Variants in FAM227A observed in about 807,000 individuals in gnomAD.
FAM227A encodes protein FAM227A.
In FAM227A, 80 loss-of-function variants were observed where a neutral mutation model predicts 74.7. The observed-to-expected ratio is 1.07, with a 90% CI of 0.89 to 1.29. The LOEUF (loss-of-function observed/expected upper bound fraction) is 1.29. Ranked by LOEUF, FAM227A falls within the 50% of genes most tolerant of loss-of-function variation. FAM227A has a pLI of 0.00. For synonymous variants in FAM227A, 237 were observed against 241.8 expected (o/e 0.98, Z 0.19); for missense variants, 654 against 683.4 (o/e 0.96, Z 0.48).
At chr22:38,654,949 A>AAAATAAATAAAT (rs530190566) in intron 1 of FAM227A, among the ~76,000 whole-genome samples, 1 of 147,780 alleles carries the variant, frequency 6.8e-6, no homozygotes, top group African/African-American at 2.5e-5. Context: ...GACTCCATCT[A>AAAATAAATAAAT]AAATAAATAA....
At chr22:38,628,628 C>G (rs1162583389) in intron 7 of FAM227A, among the ~76,000 whole-genome samples, 1 of 152,132 alleles carries the variant, frequency 6.6e-6, no homozygotes, top group East Asian at 1.9e-4. Context: ...GCTCCTAAAG[C>G]CTGGGGGAGC....
At chr22:38,624,571 A>G (rs974589481) in intron 9 of FAM227A, among the ~76,000 whole-genome samples, 1 of 152,172 alleles carries the variant, frequency 6.6e-6, no homozygotes, top group African/African-American at 2.4e-5. Context: ...CGTTGTGCCT[A>G]TACTGTTGGT....
At chr22:38,602,024 TAC>T (rs1305146358) in intron 13 of FAM227A, among the ~76,000 whole-genome samples, 1 of 152,140 alleles carries the variant, frequency 6.6e-6, no homozygotes, top group Non-Finnish European at 1.5e-5. Flanking sequence ...TAAAAAAAAA[TAC>T]ATTTTATTTT....
In FAM227A at chr22:38,645,718, G is replaced by A. The variant is rs945719315; in HGVS notation, c.143-73C>T. The A allele has an allele frequency of 4.4e-6, 4 of 907,516 alleles. No homozygotes were observed. In the African/African-American group the frequency reaches 5.0e-5, roughly 11 times the overall value. The allele number at this position is 907,516 out of a possible 1,614,324, so 56.2% of individuals were successfully genotyped here. A position where few individuals can be genotyped will look rare whatever the true frequency, so the allele number is the denominator to read the frequency against. On this transcript the variant is annotated intron_variant, in intron 2 of 16. Transcript: ENST00000535113. Reference sequence around the variant, plus strand: ...CAACAGGATGGGGCTTGTCTGGTGAGAAGGGCAGCCCCTGTCTGCACAGCC... The same window carrying A: ...CAACAGGATGGGGCTTGTCTGGTGAAAAGGGCAGCCCCTGTCTGCACAGCC...
At chr22:38,626,891 A>AAT (rs1555966997) in intron 8 of FAM227A, among the ~76,000 whole-genome samples, 2,008 of 57,534 alleles carry the variant, frequency 0.035, 116 homozygotes, top group Middle Eastern at 0.076. Context: ...AAAAAAAAAA[A>AAT]ATATATATAT....
Position 38,638,781 on chromosome 22 carries a change from C to A in FAM227A, c.337G>T (p.Glu113Ter), listed in dbSNP as rs16999173. ...RKSQYSCKGS[E>*]LRHARSSVIK... The stretch of plus-strand genomic sequence containing the variant: ...ACAGAAGATCTGGCATGTCTGAGTT[C>A]GGAGCCTTTGCAGGAATACTGAGAT... The change falls in exon 5 of 17, where the codon GAA (glutamate) becomes TAA (stop). Residue 113 changes from glutamate (E) to a stop codon, truncating the protein, a stop_gained. Coordinates refer to ENST00000535113, the MANE Select transcript of FAM227A (RefSeq NM_001013647.2). LOFTEE classifies it high-confidence loss of function. 1.3e-6 allele frequency: 2 copies of A among 1,543,592 alleles called. No homozygotes were observed. Among genetic ancestry groups the A allele is most frequent in the South Asian group, 1.2e-5 (1 of 82,336 alleles).
intron 9 of FAM227A, among the ~76,000 whole-genome samples, chr22:38,623,862 T>C (rs1289829177): frequency 6.6e-6 from 1 of 152,194 alleles, no homozygotes; most frequent in African/African-American, 2.4e-5. Context: ...GTGCCAGAAA[T>C]GGTTTCTCTT....
rs931141536 is a variant in FAM227A at position 38,646,256 on chromosome 22, T to C, written c.143-611A>G. Reference sequence around the variant, plus strand: ...TTTTCCTTCCAGTATTTCTTTTTTTTTTTTTTTTTTTTTTTTTTTTTGAGA... The same window carrying C: ...TTTTCCTTCCAGTATTTCTTTTTTTCTTTTTTTTTTTTTTTTTTTTTGAGA... On this transcript the variant is annotated intron_variant, in intron 2 of 16. Transcript: ENST00000535113. 2.5e-4 allele frequency among the ~76,000 whole-genome samples: 12 copies of C among 48,636 alleles called. No homozygotes were observed. The South Asian group carries it at 3.5e-3, about 14-fold the overall frequency. 31.9% of individuals were successfully genotyped at this position (48,636 alleles called of 152,430 possible).
intron 3 of FAM227A, among the ~76,000 whole-genome samples, chr22:38,643,198 C>G (rs2092152856): frequency 6.6e-6 from 1 of 151,652 alleles, no homozygotes; most frequent in South Asian, 2.1e-4. Flanking sequence ...TGCCTGTAAT[C>G]CCAGCTACTC....
At chr22:38,588,598 AAC>A (rs1569184492) in intron 16 of FAM227A, among the ~76,000 whole-genome samples, 1 of 127,082 alleles carries the variant, frequency 7.9e-6, no homozygotes, top group Non-Finnish European at 1.7e-5. Flanking sequence ...CAGCCTGGGT[AAC>A]AGAGTGACTC....
intron 1 of FAM227A, among the ~76,000 whole-genome samples, chr22:38,655,123 G>C (rs1393710468): frequency 6.7e-6 from 1 of 150,374 alleles, no homozygotes; most frequent in African/African-American, 2.4e-5. Flanking sequence ...CTGGGCGACA[G>C]AGCGAGACTC....
At chr22:38,608,698 T>C (rs955090274) in intron 11 of FAM227A, among the ~76,000 whole-genome samples, 1 of 151,934 alleles carries the variant, frequency 6.6e-6, no homozygotes, top group Non-Finnish European at 1.5e-5. Context: ...CCCAAAGTGC[T>C]GGGATTACAG....
intron 16 of FAM227A, among the ~76,000 whole-genome samples, chr22:38,590,737 A>G (rs2090914848): frequency 6.6e-6 from 1 of 152,222 alleles, no homozygotes; most frequent in African/African-American, 2.4e-5. Context: ...ACTACTACCA[A>G]TAATAACACT....
intron 15 of FAM227A, among the ~76,000 whole-genome samples, chr22:38,591,781 A>G (rs764401096): frequency 2.0e-5 from 3 of 152,118 alleles, no homozygotes; most frequent in Non-Finnish European, 4.4e-5. Context: ...AGCTCCTTAG[A>G]AGCTGTCTCA....
chr22:38,591,285 C>T, intron 16 of FAM227A, 150 bp downstream of exon 16: 1 of 1,368,888 alleles, frequency 7.3e-7, no homozygotes, highest in Admixed American at 3.2e-5. Flanking sequence ...GATGGCACCA[C>T]TGCACTCAGC....
chr22:38,623,139 AAAG>A (rs1428088617), intron 10 of FAM227A, 30 bp downstream of exon 10: 5 of 1,442,814 alleles, frequency 3.5e-6, no homozygotes, highest in Non-Finnish European at 4.8e-6. Flanking sequence ...TGGCAGTGGC[AAAG>A]AAGGCGGGAG....
Position 38,585,722 on chromosome 22 carries a change from A to G in FAM227A, c.*403T>C. 1 of 249,618 alleles carries G rather than the reference A, an allele frequency of 4.0e-6. No individual in the cohort carries two copies. Among genetic ancestry groups the G allele is most frequent in the Non-Finnish European group, 7.8e-6 (1 of 127,468 alleles). The allele number at this position is 249,618 out of a possible 1,614,324, so 15.5% of individuals were successfully genotyped here. A position where few individuals can be genotyped will look rare whatever the true frequency, so the allele number is the denominator to read the frequency against. ...TGAGAACAGGGACTGTGTCTTATCT[A>G]CTGTTAATTACCCAGTGTCTACAGC... is the stretch of plus-strand genomic sequence containing the variant. On this transcript the variant is annotated 3_prime_UTR_variant, in exon 17 of 17. Coordinates refer to ENST00000535113, the MANE Select transcript of FAM227A (RefSeq NM_001013647.2).
At chr22:38,630,220 A>T (rs2091890691) in intron 6 of FAM227A, among the ~76,000 whole-genome samples, 3 of 152,270 alleles carry the variant, frequency 2.0e-5, no homozygotes. Context: ...TGCAGACGGA[A>T]AGACCCGGTG....
rs200968031 is a variant in FAM227A, at chr22:38,602,014, T to TA, written c.1222-2094dup. 3.2e-3 allele frequency among the ~76,000 whole-genome samples: 491 copies of TA among 151,788 alleles called. 2 individuals are homozygous for TA. Among genetic ancestry groups the TA allele is most frequent in the Non-Finnish European group, 5.3e-3 (362 of 67,878 alleles). On this transcript the variant is annotated intron_variant, in intron 13 of 16. Coordinates refer to ENST00000535113, the MANE Select transcript of FAM227A (RefSeq NM_001013647.2). The stretch of plus-strand genomic sequence containing the variant: ...AAAATGACAATACTGCTTTTGTGTT[T>TA]AAAAAAAAATACATTTTATTTTGAA...
Sources: allele counts gnomAD v4.1 joint callset (sites outside exome capture counted in the v4.1 genomes callset), GRCh38; gene constraint gnomAD v4.1.1; transcripts MANE v1.5; gene names NCBI Gene and HGNC (gene_info 2026-07-23, HGNC 2026-07-21).